The following ACSL3 variants were observed in gnomAD, a reference collection of about 807,000 sequenced individuals.
ACSL3 encodes acyl-CoA synthetase long chain family member 3.
A neutral mutation model predicts 84.7 loss-of-function variants in ACSL3; 34 were observed. The observed-to-expected ratio is 0.40, with a 90% CI of 0.31 to 0.53. ACSL3 has a LOEUF of 0.53. ACSL3 is among the 20% of genes least tolerant of loss of function. ACSL3 has a pLI of 0.48. For missense variants in ACSL3, 680 were observed against 873.1 expected, an observed-to-expected ratio of 0.78 and a Z score of 2.79; for synonymous variants, 315 against 299.4, an observed-to-expected ratio of 1.05 and a Z score of -0.54.
intron 4 of ACSL3, among the ~76,000 whole-genome samples, chr2:222,913,452 C>CT (rs1460270934): frequency 2.0e-5 from 3 of 152,158 alleles, no homozygotes; most frequent in African/African-American, 7.2e-5. Flanking sequence ...GTTTCCCCTT[C>CT]CAAACTGTCC....
chr2:222,930,597 T>C, intron 13 of ACSL3, 24 bp from the exon 14 acceptor site: 1 of 1,542,626 alleles, frequency 6.5e-7, no homozygotes, highest in Non-Finnish European at 8.8e-7. Context: ...AACTCAACTA[T>C]TAACTCAATT....
In ACSL3 at chr2:222,942,505, A is replaced by C. The variant is rs1408568065; in HGVS notation, c.*851A>C. The stretch of plus-strand genomic sequence containing the variant: ...TGAAAGAGAGGATAGAATTTAAAGA[A>C]CAAGAGTATATAAAGTTATTCTTTG... On this transcript the variant is annotated 3_prime_UTR_variant, in exon 17 of 17. Transcript: ENST00000357430. 5 of 193,094 alleles carry C rather than the reference A, an allele frequency of 2.6e-5. No homozygotes were observed. Among genetic ancestry groups the C allele is most frequent in the Non-Finnish European group, 5.4e-5 (5 of 92,550 alleles). The allele number at this position is 193,094 out of a possible 1,614,324, so 12.0% of individuals were successfully genotyped here. A position where few individuals can be genotyped will look rare whatever the true frequency, so the allele number is the denominator to read the frequency against.
At chr2:222,914,236 T>C (rs1276245130) in intron 4 of ACSL3, among the ~76,000 whole-genome samples, 1 of 10,594 alleles carries the variant, frequency 9.4e-5, no homozygotes, top group African/African-American at 1.4e-4. Context: ...TGTGTGTACG[T>C]GTGTGTGTGT....
At chr2:222,930,428 T>A (rs750385667) in intron 13 of ACSL3, among the ~76,000 whole-genome samples, 193 bp from the exon 14 acceptor site, 1 of 152,252 alleles carries the variant, frequency 6.6e-6, no homozygotes, top group Non-Finnish European at 1.5e-5. Flanking sequence ...AAAACATAAA[T>A]ACTTATGGTT....
At chr2:222,883,402 C>T (rs373287670) in intron 1 of ACSL3, among the ~76,000 whole-genome samples, 46 of 151,936 alleles carry the variant, frequency 3.0e-4, no homozygotes, top group African/African-American at 9.9e-4. Context: ...ATGCTGGTCT[C>T]GAACTCCCGA....
chr2:222,938,231 C>T (rs1697225401), intron 16 of ACSL3, among the ~76,000 whole-genome samples: 1 of 151,970 alleles, frequency 6.6e-6, no homozygotes, highest in Non-Finnish European at 1.5e-5. Context: ...TCTGTATTTG[C>T]CTATGTATTT....
intron 13 of ACSL3, among the ~76,000 whole-genome samples, chr2:222,929,850 A>C (rs528200809): frequency 5.1e-4 from 77 of 152,050 alleles, no homozygotes; most frequent in Non-Finnish European, 9.3e-4. Flanking sequence ...ATTAGTGGGA[A>C]TATTTAATAA....
intron 1 of ACSL3, among the ~76,000 whole-genome samples, chr2:222,881,117 A>T (rs577107098): frequency 1.3e-5 from 2 of 152,346 alleles, no homozygotes; most frequent in East Asian, 3.9e-4. Flanking sequence ...CTAGTAGGCA[A>T]TTGATTTCAT....
At chr2:222,877,095 G>C (rs975037220) in intron 1 of ACSL3, among the ~76,000 whole-genome samples, 4 of 152,122 alleles carry the variant, frequency 2.6e-5, no homozygotes, top group East Asian at 1.9e-4. Flanking sequence ...GAACTGAAAG[G>C]GTGTGTTACA....
rs1696785295 is a variant in ACSL3 at position 222,923,153 on chromosome 2, A to G, written c.1152+4A>G. ...AACACTGATGGCAGCAGTTCCGGTA[A>G]GAAGTGACCCTTATTTAATATTGAG... On this transcript the variant is annotated splice_donor_region_variant and intron_variant, in intron 10 of 16. Coordinates refer to ENST00000357430, the MANE Select transcript of ACSL3 (RefSeq NM_004457.5). The G allele has an allele frequency of 6.2e-7, 1 of 1,611,444 alleles. No homozygotes were observed. The highest frequency in any genetic ancestry group is 1.3e-5 in the African/African-American group (1 of 74,874).
chr2:222,893,075 G>C (rs1174051816), intron 2 of ACSL3, among the ~76,000 whole-genome samples: 1 of 152,198 alleles, frequency 6.6e-6, no homozygotes, highest in African/African-American at 2.4e-5. Context: ...TGGTGCCTGA[G>C]TGTGGTAGGC....
chr2:222,876,777 A>G (rs1243665587), intron 1 of ACSL3, among the ~76,000 whole-genome samples: 2 of 152,208 alleles, frequency 1.3e-5, no homozygotes, highest in African/African-American at 2.4e-5. Flanking sequence ...CCTTGCTTCA[A>G]GAAGCTCACA....
chr2:222,919,040 T>C, intron 6 of ACSL3, 24 bp from the exon 7 acceptor site: 1 of 1,610,192 alleles, frequency 6.2e-7, no homozygotes, highest in Non-Finnish European at 8.5e-7. Flanking sequence ...ATAATGAACG[T>C]GATGAATGTT....
chr2:222,932,233 C>T (rs184340591), intron 14 of ACSL3, among the ~76,000 whole-genome samples: 1 of 152,368 alleles, frequency 6.6e-6, no homozygotes, highest in East Asian at 1.9e-4. Flanking sequence ...ATCTTCTTCA[C>T]CTGCCTGGTA....
intron 3 of ACSL3, among the ~76,000 whole-genome samples, chr2:222,904,050 G>A (rs1342234718): frequency 6.6e-6 from 1 of 152,132 alleles, no homozygotes; most frequent in Non-Finnish European, 1.5e-5. Context: ...CGAGGCGGGC[G>A]GATCACCTGA....
At chr2:222,921,173 A>G in intron 7 of ACSL3, 107 bp from the exon 8 acceptor site, 1 of 1,273,326 alleles carries the variant, frequency 7.9e-7, no homozygotes, top group Admixed American at 1.9e-5. Flanking sequence ...ATTGAGTTAA[A>G]TTAACTCAAT....
intron 2 of ACSL3, among the ~76,000 whole-genome samples, chr2:222,889,557 C>G (rs758616278): frequency 3.3e-5 from 5 of 152,246 alleles, no homozygotes; most frequent in Admixed American, 6.5e-5. Flanking sequence ...CACATTTGTA[C>G]GTGTCCTTTG....
rs1696001356 is a variant in ACSL3, at chr2:222,896,831, A to AC, written c.-147-3836dup. ...GGCGGCTGGCCGGGCGGGGGGGCTG[A>AC]CCCCCCCACCTCCCTCCCGGACGGG... On this transcript the variant is annotated intron_variant, in intron 2 of 16. Coordinates refer to ENST00000357430, the MANE Select transcript of ACSL3 (RefSeq NM_004457.5). Among the ~76,000 whole-genome samples, 2 of 8,522 alleles carry AC rather than the reference A, an allele frequency of 2.3e-4. 1 individual carries two copies. The highest frequency in any genetic ancestry group is 2.2e-3 in the African/African-American group (2 of 920). 5.6% of individuals were successfully genotyped at this position (8,522 alleles called of 152,430 possible). A position where few individuals can be genotyped will look rare whatever the true frequency, so the allele number is the denominator to read the frequency against.
chr2:222,867,054 C>G (rs1695168491), intron 1 of ACSL3, among the ~76,000 whole-genome samples: 1 of 151,912 alleles, frequency 6.6e-6, no homozygotes, highest in Non-Finnish European at 1.5e-5. Flanking sequence ...AGGCTGGTCT[C>G]TAACTCCTGA....
Sources: gnomAD v4.1 joint callset for allele counts (sites outside exome capture counted in the v4.1 genomes callset) on GRCh38, gnomAD v4.1.1 for gene constraint, MANE v1.5 for transcripts, NCBI Gene and HGNC (gene_info 2026-07-23, HGNC 2026-07-21) for gene names.